The following GALNT13 variants were observed in gnomAD, a reference collection of about 807,000 sequenced individuals.
GALNT13 encodes polypeptide N-acetylgalactosaminyltransferase 13.
Under a neutral mutation model 64.2 loss-of-function variants are expected in GALNT13, and 28 were observed. That is an observed-to-expected ratio of 0.44 (90% confidence interval 0.32 to 0.60). The LOEUF (loss-of-function observed/expected upper bound fraction) is 0.60. Among genes scored for constraint, GALNT13 ranks in the 20% least tolerant of loss-of-function variants. GALNT13 has a pLI of 0.05. For missense variants in GALNT13, 577 were observed against 669.8 expected, an observed-to-expected ratio of 0.86 and a Z score of 1.53; for synonymous variants, 214 against 224.6, an observed-to-expected ratio of 0.95 and a Z score of 0.42.
chr2:153,950,272 C>G (rs1009453125), intron 3 of GALNT13, among the ~76,000 whole-genome samples: 3 of 151,506 alleles, frequency 2.0e-5, no homozygotes, highest in Non-Finnish European at 4.4e-5. Flanking sequence ...TAAAAAAGCC[C>G]AAATAACCCA....
intron 1 of GALNT13, among the ~76,000 whole-genome samples, chr2:153,877,377 C>G (rs918964602): frequency 4.6e-5 from 7 of 152,076 alleles, no homozygotes; most frequent in African/African-American, 1.7e-4. Context: ...GATTAATCTG[C>G]TTGTTGACAC....
chr2:154,301,720 G>A, intron 9 of GALNT13, 131 bp downstream of exon 9: 1 of 598,244 alleles, frequency 1.7e-6, no homozygotes, highest in South Asian at 3.3e-5. Flanking sequence ...GCAGAAAACG[G>A]CATATGAGAA....
At chr2:153,765,241 C>T in the GALNT13 span, among the ~76,000 whole-genome samples, 11 of 152,270 alleles carry the variant, frequency 7.2e-5, no homozygotes, top group South Asian at 8.3e-4. Context: ...CTGCAGACAA[C>T]GCCAGCCTGT....
chr2:154,153,816 T>G lies in GALNT13; in HGVS notation c.311+13311T>G, dbSNP rs1195218401. 2.0e-5 allele frequency among the ~76,000 whole-genome samples: 3 copies of G among 152,218 alleles called. No individual in the cohort carries two copies. In the East Asian group the frequency reaches 5.8e-4, roughly 29 times the overall value. On this transcript the variant is annotated intron_variant, in intron 4 of 12. Transcript: ENST00000392825. ...AGTATTAGGGCGGGAGTGACCCGAT[T>G]TTCCAGGTGCCATCTGTCACCCCTT...
chr2:153,315,427 C>G, the GALNT13 span, among the ~76,000 whole-genome samples: 1 of 152,166 alleles, frequency 6.6e-6, no homozygotes, highest in Admixed American at 6.5e-5. Flanking sequence ...CTTTCTAATA[C>G]CAGCACCTGG....
chr2:153,350,214 T>C, the GALNT13 span, among the ~76,000 whole-genome samples: 2 of 152,146 alleles, frequency 1.3e-5, no homozygotes, highest in East Asian at 1.9e-4. Flanking sequence ...ATGGAAAGGA[T>C]GATCAAAATT....
intron 3 of GALNT13, among the ~76,000 whole-genome samples, chr2:153,955,900 G>A (rs1692532842): frequency 6.6e-6 from 1 of 152,146 alleles, no homozygotes; most frequent in Non-Finnish European, 1.5e-5. Context: ...CAAGGGACAC[G>A]ATGGACCCAA....
chr2:153,946,157 G>T (rs1260188429), intron 3 of GALNT13, among the ~76,000 whole-genome samples: 1 of 152,034 alleles, frequency 6.6e-6, no homozygotes, highest in African/African-American at 2.4e-5. Context: ...GTTTTTGATG[G>T]ATTACATCAG....
the GALNT13 span, among the ~76,000 whole-genome samples, chr2:153,193,177 T>C: frequency 6.6e-6 from 1 of 151,618 alleles, no homozygotes; most frequent in Non-Finnish European, 1.5e-5. Flanking sequence ...TTATTCACAA[T>C]AGCAAAGACT....
chr2:153,883,853 T>C (rs1451598162), intron 1 of GALNT13, among the ~76,000 whole-genome samples: 1 of 152,150 alleles, frequency 6.6e-6, no homozygotes, highest in Non-Finnish European at 1.5e-5. Flanking sequence ...TATTTTTATA[T>C]TAAATATACA....
the GALNT13 span, among the ~76,000 whole-genome samples, chr2:153,725,013 T>G: frequency 6.6e-6 from 1 of 151,302 alleles, no homozygotes; most frequent in African/African-American, 2.4e-5. Flanking sequence ...ACACGTATGT[T>G]TATTGCAGCA....
At chr2:154,092,075 GAAAAA>G (rs58406719) in intron 3 of GALNT13, among the ~76,000 whole-genome samples, 4 of 74,506 alleles carry the variant, frequency 5.4e-5, no homozygotes, top group African/African-American at 2.1e-4. Context: ...TTCATGTCTG[GAAAAA>G]AAAAAAAAAA....
At chr2:153,704,572 G>A in the GALNT13 span, among the ~76,000 whole-genome samples, 7 of 152,070 alleles carry the variant, frequency 4.6e-5, no homozygotes, top group Non-Finnish European at 8.8e-5. Context: ...GGAGCTTATT[G>A]CCATTATAAT....
chr2:153,646,688 C>T, the GALNT13 span, among the ~76,000 whole-genome samples: 1 of 152,030 alleles, frequency 6.6e-6, no homozygotes, highest in Non-Finnish European at 1.5e-5. Context: ...GTTCAATTCC[C>T]GCCTATGAGT....
At chr2:153,896,081 A>ATATATATATATATATATTTTTTTT (rs1574065409) in intron 1 of GALNT13, among the ~76,000 whole-genome samples, 41 of 136,802 alleles carry the variant, frequency 3.0e-4, no homozygotes, top group Non-Finnish European at 5.1e-4. Flanking sequence ...ATGATTTTAT[A>ATATATATATATATATATTTTTTTT]TTTTTATGTT....
At chr2:153,968,200 A>C (rs1392546821) in intron 3 of GALNT13, among the ~76,000 whole-genome samples, 1 of 152,134 alleles carries the variant, frequency 6.6e-6, no homozygotes, top group Non-Finnish European at 1.5e-5. Flanking sequence ...AGTTATTTGG[A>C]GCCCCAGGCC....
intron 3 of GALNT13, among the ~76,000 whole-genome samples, chr2:154,112,462 A>G (rs1033924811): frequency 7.2e-5 from 11 of 152,138 alleles, no homozygotes; most frequent in African/African-American, 2.4e-4. Flanking sequence ...ATAGCATACA[A>G]ATATCTTAAC....
the GALNT13 span, among the ~76,000 whole-genome samples, chr2:153,654,956 G>A: frequency 6.6e-6 from 1 of 151,876 alleles, no homozygotes; most frequent in Non-Finnish European, 1.5e-5. Context: ...TTGCTGTTCT[G>A]GTTCCCCATC....
chr2:153,179,894 G>A, the GALNT13 span, among the ~76,000 whole-genome samples: 2 of 151,958 alleles, frequency 1.3e-5, no homozygotes, highest in Non-Finnish European at 2.9e-5. Context: ...ATCCCATAAG[G>A]TTACTGTATC....
Sources: allele counts gnomAD v4.1 joint callset (sites outside exome capture counted in the v4.1 genomes callset), GRCh38; gene constraint gnomAD v4.1.1; transcripts MANE v1.5; gene names NCBI Gene and HGNC (gene_info 2026-07-23, HGNC 2026-07-21).